LRMDA: variants seen among roughly 807,000 people sequenced by gnomAD.
The protein encoded by LRMDA is leucine rich melanocyte differentiation associated.
LRMDA carries 18 observed loss-of-function variants against 29.8 expected under a neutral mutation model. The ratio of observed to expected loss-of-function variants is 0.60; its 90% CI spans 0.42 to 0.90. The LOEUF is 0.90. LRMDA is among the 40% of genes least tolerant of loss of function. The probability of loss-of-function intolerance (pLI) is 0.00; values close to 1 mark genes in which losing one functional copy is unlikely to be tolerated. For synonymous variants in LRMDA, 125 were observed against 109.4 expected, an observed-to-expected ratio of 1.14 and a Z score of -0.89; for missense variants, 273 against 273.9, an observed-to-expected ratio of 1.00 and a Z score of 0.02.
chr10:76,170,334 G>C (rs1382077749), intron 5 of LRMDA, among the ~76,000 whole-genome samples: 2 of 152,236 alleles, frequency 1.3e-5, no homozygotes. Flanking sequence ...TAGGTATATG[G>C]TGAAGTCTGT....
intron 5 of LRMDA, among the ~76,000 whole-genome samples, chr10:76,316,822 T>C (rs1434701645): frequency 2.0e-5 from 3 of 152,246 alleles, no homozygotes; most frequent in African/African-American, 7.2e-5. Context: ...TTGTGCTCCA[T>C]CATACTTCTT....
chr10:75,772,008 G>GA (rs1193020622), intron 2 of LRMDA, among the ~76,000 whole-genome samples: 8 of 150,886 alleles, frequency 5.3e-5, no homozygotes, highest in Non-Finnish European at 5.9e-5. Flanking sequence ...AGTAAATCTA[G>GA]AAAAAAAAAG....
intron 5 of LRMDA, among the ~76,000 whole-genome samples, chr10:76,192,400 T>C (rs1851262341): frequency 6.6e-6 from 1 of 152,186 alleles, no homozygotes; most frequent in Non-Finnish European, 1.5e-5. Context: ...AGCTGTTCCA[T>C]TTGACAAAAA....
intron 2 of LRMDA, among the ~76,000 whole-genome samples, chr10:75,612,381 C>CT (rs150875135): frequency 0.042 from 6,320 of 152,136 alleles, 397 homozygotes; most frequent in African/African-American, 0.14. Context: ...TTGAGAAACT[C>CT]TAAAAATATA....
chr10:75,706,019 T>A (rs973245207), intron 2 of LRMDA, among the ~76,000 whole-genome samples: 2 of 152,200 alleles, frequency 1.3e-5, no homozygotes, highest in African/African-American at 2.4e-5. Flanking sequence ...TATTCCTTTT[T>A]CTGGAGGCAT....
In LRMDA at chr10:75,879,345, C is replaced by T. The variant is rs528760419; in HGVS notation, c.132-156663C>T. Reference sequence around the variant, plus strand: ...CTGCGTACCTTTGCCCTTAGAAACTCTCTCTTCCCACCACCAGGTTCCTAC... The same window carrying T: ...CTGCGTACCTTTGCCCTTAGAAACTTTCTCTTCCCACCACCAGGTTCCTAC... On this transcript the variant is annotated intron_variant, in intron 2 of 6. Transcript: ENST00000611255. 6.6e-5 allele frequency among the ~76,000 whole-genome samples: 10 copies of T among 152,316 alleles called. No homozygotes were observed. In the South Asian group the frequency reaches 2.1e-3, roughly 32 times the overall value.
chr10:75,768,683 A>G (rs1843200717), intron 2 of LRMDA, among the ~76,000 whole-genome samples: 2 of 152,160 alleles, frequency 1.3e-5, no homozygotes, highest in Admixed American at 1.3e-4. Context: ...TTAACCTGGA[A>G]AAGACTACTG....
intron 2 of LRMDA, among the ~76,000 whole-genome samples, chr10:75,913,404 C>T (rs1158510635): frequency 6.6e-6 from 1 of 152,124 alleles, no homozygotes; most frequent in Non-Finnish European, 1.5e-5. Flanking sequence ...TGCAGTGAGC[C>T]AAGATCGCGC....
intron 5 of LRMDA, among the ~76,000 whole-genome samples, chr10:76,077,906 C>A (rs1450330110): frequency 6.8e-6 from 1 of 147,546 alleles, no homozygotes; most frequent in East Asian, 2.1e-4. Context: ...TGGTTTAGGT[C>A]ATTTCTCAGG....
intron 2 of LRMDA, among the ~76,000 whole-genome samples, chr10:75,861,382 G>A (rs886673098): frequency 3.3e-5 from 5 of 152,280 alleles, no homozygotes; most frequent in East Asian, 3.9e-4. Context: ...GACTCAAATG[G>A]TCTGTTAAGT....
In LRMDA at chr10:76,356,169, A is replaced by G. The variant is rs113609950; in HGVS notation, c.601+31684A>G. On this transcript the variant is annotated intron_variant, in intron 6 of 6. Coordinates refer to ENST00000611255, the MANE Select transcript of LRMDA (RefSeq NM_001305581.2). The stretch of plus-strand genomic sequence containing the variant: ...GACAATTGCAAAGTGTTTTAGAAAG[A>G]AAACAATGTCAGGATGATAGTGGTG... Among the ~76,000 whole-genome samples, 306 of 152,348 alleles carry G rather than the reference A, an allele frequency of 2.0e-3. 1 individual carries two copies. Among genetic ancestry groups the G allele is most frequent in the African/African-American group, 6.9e-3 (289 of 41,586 alleles).
At position 76,266,920 on chromosome 10, in the gene LRMDA, T is replaced by C. The variant is rs1840012697; in HGVS notation, c.517-57481T>C. 2.6e-5 allele frequency among the ~76,000 whole-genome samples: 4 copies of C among 152,298 alleles called. No individual in the cohort carries two copies. In the Middle Eastern group the frequency reaches 0.01, roughly 391 times the overall value. Reference sequence around the variant, plus strand: ...CGGAGAACATTCAATCTCTGGGTGATGATCCAATTAATATAGGCTAGAGTT... The same window carrying C: ...CGGAGAACATTCAATCTCTGGGTGACGATCCAATTAATATAGGCTAGAGTT... On this transcript the variant is annotated intron_variant, in intron 5 of 6. Transcript: ENST00000611255.
chr10:76,135,403 A>AT (rs549003877), intron 5 of LRMDA, among the ~76,000 whole-genome samples: 46 of 152,292 alleles, frequency 3.0e-4, no homozygotes, highest in African/African-American at 9.6e-4. Context: ...GGAGTTTTAC[A>AT]TTTTTTGTGC....
intron 2 of LRMDA, among the ~76,000 whole-genome samples, chr10:75,808,691 G>A (rs1843902535): frequency 6.6e-6 from 1 of 150,838 alleles, no homozygotes; most frequent in African/African-American, 2.4e-5. Context: ...TATATTTTTG[G>A]TAGAGACAGG....
intron 5 of LRMDA, among the ~76,000 whole-genome samples, chr10:76,301,877 G>A (rs894948055): frequency 2.6e-5 from 4 of 152,154 alleles, no homozygotes; most frequent in Non-Finnish European, 5.9e-5. Context: ...TCACAGACTT[G>A]GTAATTGTTC....
chr10:76,088,622 C>CT (rs1285713213), intron 5 of LRMDA, among the ~76,000 whole-genome samples: 1 of 152,146 alleles, frequency 6.6e-6, no homozygotes, highest in African/African-American at 2.4e-5. Flanking sequence ...TCTTAATTAC[C>CT]TTTTTTGTTA....
chr10:76,394,566 T>C (rs1841760616), intron 6 of LRMDA, among the ~76,000 whole-genome samples: 1 of 152,150 alleles, frequency 6.6e-6, no homozygotes, highest in South Asian at 2.1e-4. Context: ...GCTCCTTGGA[T>C]GAAGGCCCTG....
chr10:76,083,408 G>T (rs1849078867), intron 5 of LRMDA, among the ~76,000 whole-genome samples: 1 of 152,010 alleles, frequency 6.6e-6, no homozygotes, highest in African/African-American at 2.4e-5. Context: ...TTCCATGTGG[G>T]GCCCTGTGTA....
intron 5 of LRMDA, among the ~76,000 whole-genome samples, chr10:76,165,829 A>G (rs1255875399): frequency 2.0e-5 from 3 of 152,152 alleles, no homozygotes; most frequent in African/African-American, 4.8e-5. Flanking sequence ...ACACGTGTGG[A>G]TAGTGGGAGC....
Sources: allele counts gnomAD v4.1 joint callset (sites outside exome capture counted in the v4.1 genomes callset), GRCh38; gene constraint gnomAD v4.1.1; transcripts MANE v1.5; gene names NCBI Gene and HGNC (gene_info 2026-07-23, HGNC 2026-07-21).